Variants in GLRB observed in about 807,000 individuals in gnomAD.
GLRB encodes the protein glycine receptor subunit beta.
In GLRB, 33 loss-of-function variants were observed where a neutral mutation model predicts 54.2. The ratio of observed to expected loss-of-function variants is 0.61; its 90% CI spans 0.46 to 0.81. GLRB has a LOEUF of 0.81. Among genes scored for constraint, GLRB ranks in the 40% least tolerant of loss-of-function variants. The pLI is 0.00. For synonymous variants in GLRB, 209 were observed against 208.2 expected (o/e 1.00, Z -0.03); for missense variants, 572 against 584.6 (o/e 0.98, Z 0.22).
chr4:157,096,095 G>C lies in GLRB; in HGVS notation c.122+17949G>C, dbSNP rs1288351943. Reference sequence around the variant, plus strand: ...TCCTTTCCTGGGAATTGAAATTAGAGGAGCTCAAAGAGGGGATTTTGAGAA... The same window carrying C: ...TCCTTTCCTGGGAATTGAAATTAGACGAGCTCAAAGAGGGGATTTTGAGAA... On this transcript the variant is annotated intron_variant, in intron 2 of 9. Transcript: ENST00000264428. 3.3e-5 allele frequency among the ~76,000 whole-genome samples: 5 copies of C among 152,134 alleles called. No homozygotes were observed. In the East Asian group the frequency reaches 9.7e-4, roughly 29 times the overall value.
At chr4:157,123,348 T>C (rs1735901779) in intron 4 of GLRB, among the ~76,000 whole-genome samples, 1 of 151,800 alleles carries the variant, frequency 6.6e-6, no homozygotes, top group Admixed American at 6.6e-5. Context: ...AAATATTTAC[T>C]CCATTATTCC....
intron 2 of GLRB, among the ~76,000 whole-genome samples, chr4:157,107,198 T>A (rs573099363): frequency 6.6e-6 from 1 of 152,052 alleles, no homozygotes; most frequent in Non-Finnish European, 1.5e-5. Flanking sequence ...CTTCTTATGC[T>A]CTGAGATACA....
intron 9 of GLRB, among the ~76,000 whole-genome samples, chr4:157,160,339 C>T (rs1579252197): frequency 6.6e-6 from 1 of 151,990 alleles, no homozygotes; most frequent in South Asian, 2.1e-4. Flanking sequence ...TCCTTCAGTT[C>T]TGCTGTGATC....
chr4:157,099,495 C>G (rs777361590), intron 2 of GLRB, among the ~76,000 whole-genome samples: 28 of 152,022 alleles, frequency 1.8e-4, no homozygotes, highest in Non-Finnish European at 3.7e-4. Context: ...TGTCACCACA[C>G]CTGGCTAATT....
chr4:157,117,753 A>T (rs1735658779), intron 2 of GLRB, among the ~76,000 whole-genome samples: 1 of 151,684 alleles, frequency 6.6e-6, no homozygotes, highest in Non-Finnish European at 1.5e-5. Flanking sequence ...GAAGTACTTG[A>T]ACCAATGTGT....
At position 157,152,935 on chromosome 4, in the gene GLRB, T is replaced by A; in HGVS notation, c.1122T>A (p.Asp374Glu). The A allele has an allele frequency of 6.2e-7, 1 of 1,613,842 alleles. No individual in the cohort carries two copies. Among genetic ancestry groups the A allele is most frequent in the Non-Finnish European group, 8.5e-7 (1 of 1,179,850 alleles). Residue 374 changes from aspartate to glutamate, a missense_variant, in exon 9 of 10, where the codon GAT (aspartate) becomes GAA (glutamate). Transcript: ENST00000264428. Reference protein sequence around the residue: ...KARIAKAEQADGKGGNVAKKN... With the variant: ...KARIAKAEQAEGKGGNVAKKN... ...GAATTGCTAAGGCTGAGCAAGCAGA[T>A]GGAAAAGGTGGAAATGTGGCTAAAA...
At chr4:157,114,038 C>T (rs1735515344) in intron 2 of GLRB, among the ~76,000 whole-genome samples, 1 of 151,902 alleles carries the variant, frequency 6.6e-6, no homozygotes, top group Non-Finnish European at 1.5e-5. Context: ...TGAATAACCA[C>T]CAATTTAACT....
At chr4:157,096,652 A>T (rs1328064216) in intron 2 of GLRB, among the ~76,000 whole-genome samples, 3 of 152,258 alleles carry the variant, frequency 2.0e-5, no homozygotes, top group Middle Eastern at 3.4e-3. Context: ...TGTGCCCAGG[A>T]CACATACCAT....
At chr4:157,124,032 G>A (rs113884178) in intron 4 of GLRB, among the ~76,000 whole-genome samples, 4 of 151,572 alleles carry the variant, frequency 2.6e-5, no homozygotes, top group African/African-American at 9.7e-5. Flanking sequence ...AAGGAATTCT[G>A]GTAGGTCTCA....
At chr4:157,155,744 G>T (rs996238173) in intron 9 of GLRB, among the ~76,000 whole-genome samples, 10 of 152,152 alleles carry the variant, frequency 6.6e-5, no homozygotes, top group South Asian at 4.2e-4. Flanking sequence ...GTGATCAGAA[G>T]TTTAATTATG....
At chr4:157,147,593 A>G (rs1354695877) in intron 8 of GLRB, among the ~76,000 whole-genome samples, 1 of 152,226 alleles carries the variant, frequency 6.6e-6, no homozygotes, top group Non-Finnish European at 1.5e-5. Flanking sequence ...TTTTAAAGGT[A>G]GATGAATTCA....
chr4:157,115,321 A>C (rs186765779), intron 2 of GLRB, among the ~76,000 whole-genome samples: 5 of 151,094 alleles, frequency 3.3e-5, no homozygotes, highest in Non-Finnish European at 7.4e-5. Context: ...TCTTTAAAAA[A>C]AAATTGTCTT....
At chr4:157,144,435 T>G (rs1365756396) in intron 8 of GLRB, among the ~76,000 whole-genome samples, 1 of 152,196 alleles carries the variant, frequency 6.6e-6, no homozygotes, top group Non-Finnish European at 1.5e-5. Context: ...TCAGGGCTGG[T>G]TGCCTGTCCC....
Position 157,098,234 on chromosome 4 carries a change from G to T in GLRB, c.122+20088G>T, listed in dbSNP as rs905963367. Among the ~76,000 whole-genome samples, 15 of 152,174 alleles carry T rather than the reference G, an allele frequency of 9.9e-5. No homozygotes were observed. In the East Asian group the frequency reaches 2.9e-3, roughly 29 times the overall value. ...ATTTCATCCATGCTTGTTGGTATAG[G>T]AGTAGTTCCTCCCTTTTCATTGCTG... On this transcript the variant is annotated intron_variant, in intron 2 of 9. Coordinates refer to ENST00000264428, the MANE Select transcript of GLRB (RefSeq NM_000824.5).
chr4:157,120,438 A>C, intron 2 of GLRB, 118 bp from the exon 3 acceptor site: 1 of 389,074 alleles, frequency 2.6e-6, no homozygotes, highest in Non-Finnish European at 4.9e-6. Flanking sequence ...AAGAAGAAAA[A>C]GCCATACTAT....
At chr4:157,117,171 G>A (rs1735637815) in intron 2 of GLRB, among the ~76,000 whole-genome samples, 1 of 151,644 alleles carries the variant, frequency 6.6e-6, no homozygotes, top group Admixed American at 6.6e-5. Context: ...AGAACTCAAG[G>A]TAAAATACAT....
In GLRB at chr4:157,170,955, A is replaced by G. The variant is rs1026095941; in HGVS notation, c.*227A>G. 1 of 398,520 alleles carries G rather than the reference A, an allele frequency of 2.5e-6. No individual in the cohort carries two copies. The highest frequency in any genetic ancestry group is 2.0e-5 in the African/African-American group (1 of 49,290). 24.7% of individuals were successfully genotyped at this position (398,520 alleles called of 1,614,324 possible). ...TGTATAGTGAACATATTGCTTAGTA[A>G]CAAATGAAGGACAAGCATACTACAT... On this transcript the variant is annotated 3_prime_UTR_variant, in exon 10 of 10. Transcript: ENST00000264428.
intron 7 of GLRB, among the ~76,000 whole-genome samples, chr4:157,141,411 G>A (rs933636106): frequency 2.0e-5 from 3 of 151,930 alleles, no homozygotes; most frequent in African/African-American, 7.2e-5. Flanking sequence ...AAATGGGAAA[G>A]TATAAATATA....
intron 2 of GLRB, among the ~76,000 whole-genome samples, chr4:157,119,912 T>A (rs1735743218): frequency 6.6e-6 from 1 of 151,816 alleles, no homozygotes; most frequent in African/African-American, 2.4e-5. Flanking sequence ...TAAATCATGC[T>A]GCTATAAAGA....
Sources: gnomAD v4.1 joint callset for allele counts (sites outside exome capture counted in the v4.1 genomes callset) on GRCh38, gnomAD v4.1.1 for gene constraint, MANE v1.5 for transcripts, NCBI Gene and HGNC (gene_info 2026-07-23, HGNC 2026-07-21) for gene names.